Variants in NYAP2 observed in about 807,000 individuals in gnomAD.
The protein encoded by NYAP2 is neuronal tyrosine-phosphorylated phosphoinositide-3-kinase adapter 2.
A neutral mutation model predicts 50.4 loss-of-function variants in NYAP2; 23 were observed. The observed-to-expected ratio is 0.46, with a 90% CI of 0.33 to 0.65. The LOEUF (loss-of-function observed/expected upper bound fraction) is 0.65. Ranked by LOEUF, NYAP2 falls within the 30% of genes least tolerant of loss-of-function variation. The pLI is 0.02. For synonymous variants in NYAP2, 394 were observed against 365.2 expected (o/e 1.08, Z -0.90); for missense variants, 885 against 861.0 (o/e 1.03, Z -0.35).
intron 5 of NYAP2, among the ~76,000 whole-genome samples, chr2:225,620,581 G>T (rs550128003): frequency 6.6e-6 from 1 of 152,244 alleles, no homozygotes; most frequent in African/African-American, 2.4e-5. Context: ...AGATTTTTCA[G>T]CTCTGCTTTC....
At chr2:225,453,103 G>A (rs543347861) in intron 3 of NYAP2, among the ~76,000 whole-genome samples, 1 of 152,242 alleles carries the variant, frequency 6.6e-6, no homozygotes, top group Admixed American at 6.5e-5. Flanking sequence ...AACTCAGTAT[G>A]TCTTCTGTCT....
the NYAP2 span, chr2:225,700,812 T>C: frequency 6.6e-6 from 1 of 151,768 alleles, no homozygotes; most frequent in Non-Finnish European, 1.5e-5. Flanking sequence ...CCCATATCAC[T>C]CTGATTTAGG....
chr2:225,412,747 G>T (rs1415804525), intron 3 of NYAP2, among the ~76,000 whole-genome samples: 1 of 152,140 alleles, frequency 6.6e-6, no homozygotes, highest in East Asian at 1.9e-4. Flanking sequence ...AAGAGCTGGA[G>T]GCTTGGGTCT....
chr2:225,431,299 T>G (rs1695362226), intron 3 of NYAP2, among the ~76,000 whole-genome samples: 1 of 152,228 alleles, frequency 6.6e-6, no homozygotes, highest in African/African-American at 2.4e-5. Context: ...TCATACCTCA[T>G]CAACAAACGG....
chr2:225,654,448 C>T (rs6731250), downstream of NYAP2, among the ~76,000 whole-genome samples: 79,766 of 151,908 alleles, frequency 0.53, 21,422 homozygotes, highest in Admixed American at 0.66. Flanking sequence ...TTTGGGAGGC[C>T]GAGGCAGGTG....
chr2:225,671,606 TC>T, the NYAP2 span, among the ~76,000 whole-genome samples: 1 of 152,180 alleles, frequency 6.6e-6, no homozygotes, highest in Non-Finnish European at 1.5e-5. Context: ...TTCAAACTCT[TC>T]CCATGAATGA....
chr2:225,649,283 G>A (rs2106271215), intron 6 of NYAP2, among the ~76,000 whole-genome samples: 1 of 152,230 alleles, frequency 6.6e-6, no homozygotes, highest in South Asian at 2.1e-4. Context: ...CCTTATAATA[G>A]GCAAGCAATA....
chr2:225,580,934 G>T (rs958467323), intron 4 of NYAP2, among the ~76,000 whole-genome samples: 1 of 152,124 alleles, frequency 6.6e-6, no homozygotes, highest in East Asian at 1.9e-4. Context: ...TAATAAAGAT[G>T]ATCACTGTAA....
At chr2:225,519,187 T>C (rs868603231) in intron 4 of NYAP2, among the ~76,000 whole-genome samples, 31 of 152,032 alleles carry the variant, frequency 2.0e-4, no homozygotes, top group Middle Eastern at 3.4e-3. Context: ...TTAATAAGTA[T>C]TCCCAAGGCA....
chr2:225,502,331 T>C (rs573930956), intron 3 of NYAP2, among the ~76,000 whole-genome samples: 5 of 152,318 alleles, frequency 3.3e-5, no homozygotes, highest in African/African-American at 9.6e-5. Context: ...AGTGTATGAG[T>C]AGTCACAGAC....
At chr2:225,622,780 A>G (rs561625596) in intron 5 of NYAP2, among the ~76,000 whole-genome samples, 1 of 151,582 alleles carries the variant, frequency 6.6e-6, no homozygotes, top group East Asian at 2.0e-4. Context: ...GGGTTTCACC[A>G]TGTTGGCCAG....
intron 3 of NYAP2, among the ~76,000 whole-genome samples, chr2:225,452,714 T>C (rs1689672573): frequency 6.6e-6 from 1 of 152,306 alleles, no homozygotes; most frequent in African/African-American, 2.4e-5. Flanking sequence ...TTATTTTGAT[T>C]TGTTTTCTTT....
At chr2:225,614,500 T>G (rs899322397) in intron 5 of NYAP2, among the ~76,000 whole-genome samples, 12 of 152,306 alleles carry the variant, frequency 7.9e-5, no homozygotes, top group Admixed American at 2.0e-4. Context: ...AGCCAGAGGA[T>G]TTAAAATATC....
intron 6 of NYAP2, among the ~76,000 whole-genome samples, chr2:225,641,377 T>G (rs1055744062): frequency 1.3e-5 from 2 of 151,428 alleles, no homozygotes; most frequent in Non-Finnish European, 2.9e-5. Context: ...TCAAATAATA[T>G]GTTTATTGTC....
chr2:225,536,527 GT>G (rs5839111), intron 4 of NYAP2, among the ~76,000 whole-genome samples: 91,500 of 151,610 alleles, frequency 0.6, 28,815 homozygotes, highest in African/African-American at 0.79. Context: ...TTGTTGCCTT[GT>G]TTTTTTCTTT....
chr2:225,612,853 A>ACCCAATGTG (rs1559229918), intron 5 of NYAP2, among the ~76,000 whole-genome samples: 25 of 147,888 alleles, frequency 1.7e-4, no homozygotes, highest in South Asian at 2.1e-4. Context: ...ATGACATCAC[A>ACCCAATGTG]TCTGGGTCTA....
chr2:225,559,929 T>C (rs987187704), intron 4 of NYAP2, among the ~76,000 whole-genome samples: 4 of 152,096 alleles, frequency 2.6e-5, no homozygotes, highest in Admixed American at 2.0e-4. Context: ...GGAGAAGATA[T>C]TGCCTGCATT....
At chr2:225,616,353 A>C (rs1692990389) in intron 5 of NYAP2, among the ~76,000 whole-genome samples, 1 of 152,208 alleles carries the variant, frequency 6.6e-6, no homozygotes, top group African/African-American at 2.4e-5. Context: ...ATACTCTTTC[A>C]TGGTGGAGGC....
At chr2:225,609,242 A>C (rs1467013247) in intron 5 of NYAP2, among the ~76,000 whole-genome samples, 2 of 152,136 alleles carry the variant, frequency 1.3e-5, no homozygotes, top group Non-Finnish European at 2.9e-5. Context: ...CGAGGATAGG[A>C]TGGATCCAAG....
Sources: gnomAD v4.1 joint callset for allele counts (sites outside exome capture counted in the v4.1 genomes callset) on GRCh38, gnomAD v4.1.1 for gene constraint, MANE v1.5 for transcripts, NCBI Gene and HGNC (gene_info 2026-07-23, HGNC 2026-07-21) for gene names.